Variants in REV3L observed in about 807,000 individuals in gnomAD.
REV3L encodes the protein REV3 like, DNA directed polymerase zeta catalytic subunit.
In REV3L, 69 loss-of-function variants were observed where a neutral mutation model predicts 299.4. The observed-to-expected ratio is 0.23, with a 90% CI of 0.19 to 0.28. The LOEUF is 0.28. REV3L is among the 10% of genes least tolerant of loss of function. The probability of loss-of-function intolerance (pLI) is 1.00; values close to 1 mark genes in which losing one functional copy is unlikely to be tolerated. For missense variants in REV3L, 3,128 were observed against 3,693.8 expected, an observed-to-expected ratio of 0.85 and a Z score of 3.97; for synonymous variants, 1,238 against 1,271.4, an observed-to-expected ratio of 0.97 and a Z score of 0.56.
intron 1 of REV3L, among the ~76,000 whole-genome samples, chr6:111,470,174 T>TCTCA (rs573958270): frequency 6.7e-6 from 1 of 150,252 alleles, no homozygotes; most frequent in Admixed American, 6.6e-5. Flanking sequence ...TTACTATCTC[T>TCTCA]CACACACACA....
Position 111,313,409 on chromosome 6 carries a change from T to C in REV3L, c.8547A>G (p.Val2849=), listed in dbSNP as rs903335553. ...CTGTTTCTATTCCTTTTGCATCAAA[T>C]ACTGGGTCCTTCTGATCCAGTGTTT... The part of the protein sequence containing the change: ...MYETLDQKDP[V]FDAKGIETVR... The change falls in exon 28 of 32, where the codon GTA becomes GTG. Residue 2849 remains valine, a synonymous_variant. Transcript: ENST00000368802. The C allele has an allele frequency of 1.9e-6, 3 of 1,613,416 alleles. No individual in the cohort carries two copies. The African/African-American group carries it at 4.0e-5, about 22-fold the overall frequency.
intron 1 of REV3L, among the ~76,000 whole-genome samples, chr6:111,465,953 A>G (rs12211763): frequency 0.4 from 61,002 of 151,890 alleles, 14,836 homozygotes; most frequent in Non-Finnish European, 0.54. Flanking sequence ...TGCTAAAAAG[A>G]TCTCTACAGT....
intron 23 of REV3L, among the ~76,000 whole-genome samples, chr6:111,332,436 GAAT>G (rs1386397278): frequency 1.3e-5 from 2 of 152,058 alleles, no homozygotes; most frequent in African/African-American, 2.4e-5. Flanking sequence ...TATATTTAAA[GAAT>G]AATTTAAACC....
At chr6:111,303,165 C>CTTTCTTTCT (rs4038141) in intron 31 of REV3L, among the ~76,000 whole-genome samples, 12 of 92,344 alleles carry the variant, frequency 1.3e-4, no homozygotes, top group African/African-American at 7.8e-5. Flanking sequence ...TCTTTTCTTT[C>CTTTCTTTCT]TTTTTTTTTT....
intron 30 of REV3L, among the ~76,000 whole-genome samples, chr6:111,308,615 T>C (rs1210510427): frequency 1.3e-5 from 2 of 152,234 alleles, no homozygotes; most frequent in Non-Finnish European, 2.9e-5. Flanking sequence ...ATTTTACCAT[T>C]GCAGTAATTC....
chr6:111,421,763 T>C (rs922438939), intron 1 of REV3L, among the ~76,000 whole-genome samples: 1 of 152,162 alleles, frequency 6.6e-6, no homozygotes, highest in African/African-American at 2.4e-5. Flanking sequence ...TAAACAAACC[T>C]CGACAGAGCT....
chr6:111,335,550 C>G lies in REV3L; in HGVS notation c.7599G>C (p.Gln2533His). The G allele has an allele frequency of 6.2e-7, 1 of 1,613,330 alleles. No homozygotes were observed. Among genetic ancestry groups the G allele is most frequent in the Non-Finnish European group, 8.5e-7 (1 of 1,179,606 alleles). Reference sequence around the variant, plus strand: ...CACTGGTTTTCCCAATCAGGTCCAGCTGTTCTAACATTTGGAGATTTCCAC... The same window carrying G: ...CACTGGTTTTCCCAATCAGGTCCAGGTGTTCTAACATTTGGAGATTTCCAC... ...RVRGNLQMLE[Q>H]LDLIGKTSEM... Residue 2533 changes from glutamine (Q) to histidine (H), a missense_variant, in exon 22 of 32, where the codon CAG becomes CAC. Coordinates refer to ENST00000368802, the MANE Select transcript of REV3L (RefSeq NM_001372078.1).
chr6:111,428,572 A>C (rs952711679), intron 1 of REV3L, among the ~76,000 whole-genome samples: 2 of 152,184 alleles, frequency 1.3e-5, no homozygotes, highest in African/African-American at 4.8e-5. Context: ...TGAGAAATAC[A>C]TTTGGTGAAC....
chr6:111,473,789 G>T (rs972797018), intron 1 of REV3L, among the ~76,000 whole-genome samples: 5 of 151,944 alleles, frequency 3.3e-5, no homozygotes, highest in African/African-American at 9.7e-5. Context: ...GGGAGAGGGG[G>T]TCAGTGTGAG....
chr6:111,341,486 T>C (rs1417293095), intron 21 of REV3L, among the ~76,000 whole-genome samples: 1 of 152,182 alleles, frequency 6.6e-6, no homozygotes, highest in Non-Finnish European at 1.5e-5. Context: ...TCCCCAAATA[T>C]TATCAAGTTG....
chr6:111,336,763 G>A (rs1324717088), intron 21 of REV3L, among the ~76,000 whole-genome samples: 1 of 151,958 alleles, frequency 6.6e-6, no homozygotes, highest in Non-Finnish European at 1.5e-5. Flanking sequence ...AGCCCAAAGT[G>A]GAAACAACCA....
At chr6:111,464,568 GAC>G (rs1313113174) in intron 1 of REV3L, among the ~76,000 whole-genome samples, 2 of 152,054 alleles carry the variant, frequency 1.3e-5, no homozygotes, top group Non-Finnish European at 2.9e-5. Context: ...GAAATAAAAA[GAC>G]AGACTTATAT....
At chr6:111,463,507 T>C (rs1181515801) in intron 1 of REV3L, among the ~76,000 whole-genome samples, 1 of 152,234 alleles carries the variant, frequency 6.6e-6, no homozygotes, top group African/African-American at 2.4e-5. Context: ...GCACTACTGA[T>C]TGTAAGACAT....
chr6:111,431,192 C>T, intron 1 of REV3L: 1 of 1,566,424 alleles, frequency 6.4e-7, no homozygotes, highest in African/African-American at 1.4e-5. Flanking sequence ...GATTATCCAT[C>T]TGTGATGGCA....
chr6:111,377,684 T>C lies in REV3L; in HGVS notation c.1597+17A>G. ...ATCGTGAATAACCAATTTCTCACAG[T>C]AGACTTGTTTACTTACCACTATTTT... is the stretch of plus-strand genomic sequence containing the variant. On this transcript the variant is annotated intron_variant, in intron 12 of 31. Transcript: ENST00000368802. 2 of 1,605,730 alleles carry C rather than the reference T, an allele frequency of 1.2e-6. No individual in the cohort carries two copies. The highest frequency in any genetic ancestry group is 1.7e-6 in the Non-Finnish European group (2 of 1,177,010).
intron 12 of REV3L, 106 bp downstream of exon 12, chr6:111,377,595 C>T: frequency 1.8e-6 from 2 of 1,140,950 alleles, no homozygotes; most frequent in Non-Finnish European, 2.5e-6. Context: ...CCTTGGACTC[C>T]CAGAATGCTG....
intron 1 of REV3L, among the ~76,000 whole-genome samples, chr6:111,419,946 G>A (rs935085424): frequency 6.6e-6 from 1 of 152,004 alleles, no homozygotes; most frequent in South Asian, 2.1e-4. Context: ...CCGGGCTCAC[G>A]CCGTTCTCCT....
At chr6:111,310,979 CTG>C in intron 29 of REV3L, 88 bp downstream of exon 29, 1 of 999,938 alleles carries the variant, frequency 1.0e-6, no homozygotes, top group Non-Finnish European at 1.4e-6. Context: ...AATTTTGTGT[CTG>C]TGTCTATGGA....
intron 2 of REV3L, among the ~76,000 whole-genome samples, chr6:111,413,399 T>C (rs187738787): frequency 2.6e-5 from 4 of 152,218 alleles, no homozygotes; most frequent in South Asian, 2.1e-4. Flanking sequence ...TGAGTGTGGA[T>C]AGCGAAAAAT....
Sources: gnomAD v4.1 joint callset for allele counts (sites outside exome capture counted in the v4.1 genomes callset) on GRCh38, gnomAD v4.1.1 for gene constraint, MANE v1.5 for transcripts, NCBI Gene and HGNC (gene_info 2026-07-23, HGNC 2026-07-21) for gene names.